The following ZNF678 variants were observed in gnomAD, a reference collection of about 807,000 sequenced individuals.
ZNF678 encodes hypothetical protein MGC42493.
ZNF678 carries 5 observed loss-of-function variants against 3.0 expected under a neutral mutation model. The observed-to-expected ratio is 1.69, with a 90% confidence interval of 0.88 to 3.56. The LOEUF is 3.56. ZNF678 is among the 30% of genes most tolerant of loss of function. The pLI, the probability that ZNF678 is intolerant of heterozygous loss-of-function variation, is 0.00. For synonymous variants in ZNF678, 218 were observed against 199.6 expected, an observed-to-expected ratio of 1.09 and a Z score of -0.78; for missense variants, 593 against 605.0, an observed-to-expected ratio of 0.98 and a Z score of 0.21.
At chr1:227,611,328 A>G (rs756597051) in intron 1 of ZNF678, among the ~76,000 whole-genome samples, 1 of 152,146 alleles carries the variant, frequency 6.6e-6, no homozygotes, top group Non-Finnish European at 1.5e-5. Flanking sequence ...CTATCTATAC[A>G]AGATTCAAGG....
chr1:227,614,422 C>G (rs370649354), intron 1 of ZNF678, among the ~76,000 whole-genome samples: 3 of 152,218 alleles, frequency 2.0e-5, no homozygotes, highest in Non-Finnish European at 2.9e-5. Flanking sequence ...ATCCTGCTGG[C>G]TCTGCCATCT....
intron 1 of ZNF678, among the ~76,000 whole-genome samples, chr1:227,634,952 A>C (rs1268768409): frequency 6.6e-6 from 1 of 152,058 alleles, no homozygotes; most frequent in Non-Finnish European, 1.5e-5. Flanking sequence ...GATCCACTGC[A>C]ATTCTAGTCA....
At chr1:227,583,072 C>T (rs968579215) in intron 1 of ZNF678, among the ~76,000 whole-genome samples, 1 of 152,088 alleles carries the variant, frequency 6.6e-6, no homozygotes, top group Non-Finnish European at 1.5e-5. Flanking sequence ...TTTTTAAACA[C>T]TTGTTTTTAT....
chr1:227,582,579 TA>T, intron 1 of ZNF678: 1 of 247,204 alleles, frequency 4.0e-6, no homozygotes, highest in South Asian at 4.3e-5. Flanking sequence ...TTCTTCTGCC[TA>T]ATCCTCCCAA....
rs1216212634 is a variant in ZNF678 at position 227,658,891 on chromosome 1, A to C, written c.*3063A>C. ...AATCAGTTAGAATAGGTAAAGCATT[A>C]ATAATGGTAGGCTATATATCATAAT... On this transcript the variant is annotated 3_prime_UTR_variant, in exon 4 of 4. Coordinates refer to ENST00000343776, the MANE Select transcript of ZNF678 (RefSeq NM_001367909.1). 6.6e-6 allele frequency: 1 copy of C among 152,090 alleles called. No individual in the cohort carries two copies. The highest frequency in any genetic ancestry group is 1.5e-5 in the Non-Finnish European group (1 of 67,958). The allele number at this position is 152,090 out of a possible 1,614,324, so 9.4% of individuals were successfully genotyped here. A position where few individuals can be genotyped will look rare whatever the true frequency, so the allele number is the denominator to read the frequency against.
intron 1 of ZNF678, among the ~76,000 whole-genome samples, chr1:227,600,000 T>C (rs902991019): frequency 1.3e-5 from 2 of 152,210 alleles, no homozygotes; most frequent in African/African-American, 4.8e-5. Flanking sequence ...ACCCCATGTC[T>C]GTTGTTCCCT....
intron 1 of ZNF678, among the ~76,000 whole-genome samples, chr1:227,588,365 G>A (rs1011732389): frequency 6.6e-6 from 1 of 152,106 alleles, no homozygotes; most frequent in Non-Finnish European, 1.5e-5. Context: ...GGATTGTTGA[G>A]TCAAGTGGTA....
intron 1 of ZNF678, among the ~76,000 whole-genome samples, chr1:227,595,989 C>T (rs1009618726): frequency 3.9e-5 from 6 of 152,166 alleles, no homozygotes; most frequent in Non-Finnish European, 8.8e-5. Context: ...GGCAAGTTCT[C>T]GAGACTAGTC....
At chr1:227,570,674 T>G (rs1656816325) in intron 1 of ZNF678, among the ~76,000 whole-genome samples, 1 of 96,182 alleles carries the variant, frequency 1.0e-5, no homozygotes. Flanking sequence ...GCTGACTAGT[T>G]TTTTTTTTTT....
At chr1:227,641,870 A>G (rs546378278) in intron 1 of ZNF678, among the ~76,000 whole-genome samples, 2 of 152,214 alleles carry the variant, frequency 1.3e-5, no homozygotes, top group Non-Finnish European at 2.9e-5. Flanking sequence ...CCCAGAAACA[A>G]CTGGGCTCAC....
At chr1:227,599,584 G>A (rs1657682118) in intron 1 of ZNF678, among the ~76,000 whole-genome samples, 1 of 151,930 alleles carries the variant, frequency 6.6e-6, no homozygotes. Flanking sequence ...TTTACATTTT[G>A]TATTAATTAG....
intron 1 of ZNF678, among the ~76,000 whole-genome samples, chr1:227,632,272 C>T (rs1201219220): frequency 1.3e-5 from 2 of 152,118 alleles, no homozygotes; most frequent in Admixed American, 1.3e-4. Flanking sequence ...ACAAATTGCT[C>T]TAATACTTGG....
At chr1:227,644,468 C>T (rs1658906570) in intron 1 of ZNF678, among the ~76,000 whole-genome samples, 1 of 152,148 alleles carries the variant, frequency 6.6e-6, no homozygotes, top group South Asian at 2.1e-4. Flanking sequence ...TGCCATGTTT[C>T]AGAATTGTGA....
intron 1 of ZNF678, chr1:227,598,819 T>C: frequency 3.5e-6 from 2 of 572,524 alleles, no homozygotes; most frequent in Non-Finnish European, 3.3e-6. Flanking sequence ...GAAGAACTGC[T>C]GGAAGAATTA....
At chr1:227,639,659 A>G (rs1658769170) in intron 1 of ZNF678, among the ~76,000 whole-genome samples, 1 of 152,190 alleles carries the variant, frequency 6.6e-6, no homozygotes, top group African/African-American at 2.4e-5. Flanking sequence ...TGTGGTCTCA[A>G]AAGCGGTGTC....
At chr1:227,575,660 T>C (rs1046467869) in intron 1 of ZNF678, among the ~76,000 whole-genome samples, 1 of 152,200 alleles carries the variant, frequency 6.6e-6, no homozygotes, top group Non-Finnish European at 1.5e-5. Flanking sequence ...CCGTGAGATT[T>C]GTTAAGTATA....
At chr1:227,651,201 G>A (rs1659084402) in intron 3 of ZNF678, 125 bp downstream of exon 3, 1 of 1,054,176 alleles carries the variant, frequency 9.5e-7, no homozygotes, top group African/African-American at 1.6e-5. Context: ...TCTTTGGTGG[G>A]CTTATTACCA....
chr1:227,587,552 G>A (rs1300790405), intron 1 of ZNF678, among the ~76,000 whole-genome samples: 1 of 152,144 alleles, frequency 6.6e-6, no homozygotes, highest in Non-Finnish European at 1.5e-5. Context: ...AACTTTTGGT[G>A]TGTCAAGAAC....
intron 1 of ZNF678, among the ~76,000 whole-genome samples, chr1:227,622,092 C>T (rs1460107316): frequency 6.6e-6 from 1 of 152,194 alleles, no homozygotes; most frequent in Non-Finnish European, 1.5e-5. Context: ...ATCTGTGTCC[C>T]TTACTAGGTC....
Sources: allele counts gnomAD v4.1 joint callset (sites outside exome capture counted in the v4.1 genomes callset), GRCh38; gene constraint gnomAD v4.1.1; transcripts MANE v1.5; gene names NCBI Gene and HGNC (gene_info 2026-07-23, HGNC 2026-07-21).